Variants in MAP2 observed in about 807,000 individuals in gnomAD.
The protein encoded by MAP2 is microtubule associated protein 2.
A neutral mutation model predicts 137.6 loss-of-function variants in MAP2; 14 were observed. That is an observed-to-expected ratio of 0.10 (90% CI 0.07 to 0.16). The LOEUF (loss-of-function observed/expected upper bound fraction) is 0.16, where lower values mean the gene tolerates loss of function less well. MAP2 is among the 10% of genes least tolerant of loss of function. The pLI is 1.00. For missense variants in MAP2, 2,088 were observed against 2,191.5 expected, an observed-to-expected ratio of 0.95 and a Z score of 0.94; for synonymous variants, 786 against 782.3, an observed-to-expected ratio of 1.00 and a Z score of -0.08.
At chr2:209,561,197 G>A (rs76031520) in intron 2 of MAP2, among the ~76,000 whole-genome samples, 3,025 of 152,194 alleles carry the variant, frequency 0.02, 96 homozygotes, top group African/African-American at 0.069. Flanking sequence ...GATTTATGTC[G>A]GAATGTCTTT....
chr2:209,557,430 T>G (rs552417942), intron 2 of MAP2, among the ~76,000 whole-genome samples: 19 of 152,296 alleles, frequency 1.2e-4, no homozygotes, highest in Admixed American at 9.8e-4. Context: ...TTTTTTTCCC[T>G]GTTTAAGCTG....
At position 209,710,037 on chromosome 2, in the gene MAP2, C is replaced by T. The variant is rs1467432154; in HGVS notation, c.4856C>T (p.Thr1619Ile). Residue 1619 changes from threonine to isoleucine, a missense_variant, in exon 13 of 16, where the codon ACC becomes ATC. Thr to Ile is a moderately conservative substitution (Grantham distance 89). Transcript: ENST00000682079. The part of the protein sequence containing the change: ...YSSRTPGTPG[T>I]PSYPRTPHTP... ...TCACGCACACCAGGCACTCCTGGAA[C>T]CCCTAGCTATCCCAGGACCCCTCAC... 1.9e-5 allele frequency: 30 copies of T among 1,613,954 alleles called. No homozygotes were observed. Among genetic ancestry groups the T allele is most frequent in the Non-Finnish European group, 2.5e-5 (30 of 1,180,020 alleles).
At chr2:209,720,713 A>C (rs1205724866) in intron 13 of MAP2, among the ~76,000 whole-genome samples, 1 of 150,724 alleles carries the variant, frequency 6.6e-6, no homozygotes, top group Non-Finnish European at 1.5e-5. Context: ...AATTTTGCGC[A>C]ATTATTATTC....
chr2:209,474,413 T>A (rs1485496703), intron 1 of MAP2, among the ~76,000 whole-genome samples: 1 of 152,230 alleles, frequency 6.6e-6, no homozygotes, highest in African/African-American at 2.4e-5. Flanking sequence ...TATATCGCTG[T>A]TAAAATAATT....
chr2:209,630,689 A>G (rs995213155), intron 4 of MAP2, among the ~76,000 whole-genome samples: 1 of 152,070 alleles, frequency 6.6e-6, no homozygotes, highest in Non-Finnish European at 1.5e-5. Context: ...TAGGATGTTA[A>G]GAGATTAGAA....
At chr2:209,430,010 A>G (rs1221429516) in intron 1 of MAP2, among the ~76,000 whole-genome samples, 1 of 151,938 alleles carries the variant, frequency 6.6e-6, no homozygotes, top group Non-Finnish European at 1.5e-5. Flanking sequence ...TCTTCCCTTA[A>G]GAGTCTACCT....
At chr2:209,555,360 T>A (rs2070314425) in intron 2 of MAP2, among the ~76,000 whole-genome samples, 1 of 152,168 alleles carries the variant, frequency 6.6e-6, no homozygotes, top group South Asian at 2.1e-4. Flanking sequence ...TTTTAAAAAA[T>A]TTTCCACATT....
At chr2:209,595,582 A>G (rs550064584) in intron 3 of MAP2, among the ~76,000 whole-genome samples, 136 of 152,348 alleles carry the variant, frequency 8.9e-4, no homozygotes, top group African/African-American at 2.5e-3. Context: ...TAGAAATACC[A>G]TTGGATCCAG....
At chr2:209,666,815 G>T (rs562989620) in intron 5 of MAP2, among the ~76,000 whole-genome samples, 2 of 150,172 alleles carry the variant, frequency 1.3e-5, no homozygotes, top group South Asian at 2.1e-4. Context: ...AATTTTTTTT[G>T]ATGTGAAGAA....
At chr2:209,457,313 A>T (rs1166421742) in intron 1 of MAP2, among the ~76,000 whole-genome samples, 1 of 152,162 alleles carries the variant, frequency 6.6e-6, no homozygotes, top group East Asian at 1.9e-4. Flanking sequence ...TAAATTACCC[A>T]CCACCTAGTC....
intron 2 of MAP2, among the ~76,000 whole-genome samples, chr2:209,539,068 CA>C (rs934527277): frequency 9.2e-5 from 14 of 152,224 alleles, no homozygotes; most frequent in African/African-American, 3.1e-4. Flanking sequence ...AACACAATAT[CA>C]TTTCCTTAAT....
intron 2 of MAP2, among the ~76,000 whole-genome samples, chr2:209,509,721 A>G (rs1044546741): frequency 3.3e-5 from 5 of 151,992 alleles, no homozygotes; most frequent in African/African-American, 1.2e-4. Flanking sequence ...CCTCACAGAA[A>G]AAGCATGTTT....
At chr2:209,587,412 T>G (rs1190809417) in intron 3 of MAP2, among the ~76,000 whole-genome samples, 2 of 152,106 alleles carry the variant, frequency 1.3e-5, no homozygotes, top group Admixed American at 6.6e-5. Flanking sequence ...GGTGGACTGT[T>G]TTGGTTGGTG....
At chr2:209,507,677 G>A (rs993138802) in intron 2 of MAP2, 36 bp downstream of exon 2, 3 of 152,118 alleles carry the variant, frequency 2.0e-5, no homozygotes, top group African/African-American at 4.8e-5. Context: ...TGAATAAACT[G>A]TGAAATAAAA....
At chr2:209,685,796 T>C (rs566245800) in intron 7 of MAP2, among the ~76,000 whole-genome samples, 3 of 152,302 alleles carry the variant, frequency 2.0e-5, no homozygotes, top group East Asian at 3.9e-4. Flanking sequence ...TTTTTAAATG[T>C]TGGCACTTTC....
chr2:209,669,491 C>T (rs1474322706), intron 5 of MAP2, among the ~76,000 whole-genome samples: 1 of 152,052 alleles, frequency 6.6e-6, no homozygotes, highest in Non-Finnish European at 1.5e-5. Context: ...GAAGAAAGAT[C>T]TGTGTTTACA....
At chr2:209,542,357 A>T (rs1246038128) in intron 2 of MAP2, among the ~76,000 whole-genome samples, 2 of 152,348 alleles carry the variant, frequency 1.3e-5, no homozygotes, top group East Asian at 3.9e-4. Flanking sequence ...CAGAGCAAAG[A>T]CAGAGTAGAT....
At chr2:209,433,271 T>A (rs563300300) in intron 1 of MAP2, among the ~76,000 whole-genome samples, 1 of 152,228 alleles carries the variant, frequency 6.6e-6, no homozygotes, top group South Asian at 2.1e-4. Context: ...TTGTCTGTGA[T>A]GGGATAGGCT....
At position 209,609,006 on chromosome 2, in the gene MAP2, C is replaced by T. The variant is rs147898285; in HGVS notation, c.-106-16047C>T. Among the ~76,000 whole-genome samples, 129 of 152,178 alleles carry T rather than the reference C, an allele frequency of 8.5e-4. 1 individual carries two copies. In the East Asian group the frequency reaches 0.02, roughly 24 times the overall value. ...ATTCTCTGATTCACATAGTCCCTGA[C>T]ACATACTTTTTCTTCTGTGCTCTCA... On this transcript the variant is annotated intron_variant, in intron 3 of 15. Coordinates refer to ENST00000682079, the MANE Select transcript of MAP2 (RefSeq NM_001375505.1).
Sources: gnomAD v4.1 joint callset for allele counts (sites outside exome capture counted in the v4.1 genomes callset) on GRCh38, gnomAD v4.1.1 for gene constraint, MANE v1.5 for transcripts, NCBI Gene and HGNC (gene_info 2026-07-23, HGNC 2026-07-21) for gene names.